Variants in GARIN2 observed in about 807,000 individuals in gnomAD.
The protein encoded by GARIN2 is Golgi-associated RAB2 interactor protein 2.
the GARIN2 span, among the ~76,000 whole-genome samples, chr14:67,218,702 T>A: frequency 6.6e-6 from 1 of 151,958 alleles, no homozygotes; most frequent in Non-Finnish European, 1.5e-5. Context: ...TGCGGAACAG[T>A]TTCTTTGTGC....
the GARIN2 span, chr14:67,198,876 A>G: frequency 3.0e-6 from 2 of 667,046 alleles, no homozygotes; most frequent in South Asian, 1.5e-5. Flanking sequence ...AATGAGTTCA[A>G]TGATAGGGGT....
At chr14:67,214,144 T>G in the GARIN2 span, among the ~76,000 whole-genome samples, 24,324 of 152,160 alleles carry the variant, frequency 0.16, 3,705 homozygotes, top group East Asian at 0.44. Flanking sequence ...TAGTTTCTTT[T>G]GCTGTGCAGA....
chr14:67,219,328 A>G, the GARIN2 span, among the ~76,000 whole-genome samples: 2 of 152,116 alleles, frequency 1.3e-5, no homozygotes, highest in African/African-American at 4.8e-5. Context: ...TCTAGTCCAC[A>G]TGGGTGATAT....
the GARIN2 span, chr14:67,204,747 C>T: frequency 1.5e-5 from 25 of 1,613,870 alleles, no homozygotes; most frequent in African/African-American, 3.3e-4. Flanking sequence ...TTTCAAGTCT[C>T]TCAGGAATTA....
At chr14:67,194,022 A>G in the GARIN2 span, among the ~76,000 whole-genome samples, 4 of 152,004 alleles carry the variant, frequency 2.6e-5, no homozygotes, top group East Asian at 7.8e-4. Context: ...TATTTGTAAA[A>G]CTGGAAAGAC....
chr14:67,191,221 G>A, the GARIN2 span, among the ~76,000 whole-genome samples: 6 of 152,044 alleles, frequency 3.9e-5, no homozygotes, highest in Non-Finnish European at 8.8e-5. Context: ...GTGATGGAGC[G>A]AGACTCCGTC....
the GARIN2 span, among the ~76,000 whole-genome samples, chr14:67,206,510 CA>C: frequency 6.6e-6 from 1 of 151,710 alleles, no homozygotes; most frequent in Non-Finnish European, 1.5e-5. Flanking sequence ...AACAAACAAA[CA>C]AACAAAAAAA....
At chr14:67,199,706 C>T in the GARIN2 span, 111 of 1,583,958 alleles carry the variant, frequency 7.0e-5, no homozygotes, top group South Asian at 1.2e-3. Flanking sequence ...AGATGCACCT[C>T]CTTCACCCTC....
At chr14:67,190,068 A>ATT in the GARIN2 span, among the ~76,000 whole-genome samples, 34 of 115,436 alleles carry the variant, frequency 2.9e-4, no homozygotes, top group African/African-American at 5.7e-4. Flanking sequence ...TGCCCAGCTA[A>ATT]TTTTTTTTTT....
chr14:67,209,396 G>C, the GARIN2 span, among the ~76,000 whole-genome samples: 1 of 152,194 alleles, frequency 6.6e-6, no homozygotes, highest in Non-Finnish European at 1.5e-5. Flanking sequence ...GCAGAGACCT[G>C]AGCAAGTGTG....
At chr14:67,209,126 G>C in the GARIN2 span, among the ~76,000 whole-genome samples, 1 of 152,306 alleles carries the variant, frequency 6.6e-6, no homozygotes, top group South Asian at 2.1e-4. Flanking sequence ...TTCAATGGCA[G>C]AGTTTACGTG....
the GARIN2 span, chr14:67,199,560 T>G: frequency 6.3e-7 from 1 of 1,599,466 alleles, no homozygotes; most frequent in African/African-American, 1.3e-5. Flanking sequence ...GGGCAGTACC[T>G]CTGTAACCAC....
chr14:67,211,731 C>G, the GARIN2 span, among the ~76,000 whole-genome samples: 1 of 152,060 alleles, frequency 6.6e-6, no homozygotes, highest in African/African-American at 2.4e-5. Context: ...TTAACAAAAC[C>G]CTGCCACCAA....
the GARIN2 span, among the ~76,000 whole-genome samples, chr14:67,194,483 C>T: frequency 6.6e-6 from 1 of 152,018 alleles, no homozygotes; most frequent in East Asian, 1.9e-4. Context: ...TTCACAGAAC[C>T]ATCCCTCTGT....
At chr14:67,200,893 A>G in the GARIN2 span, among the ~76,000 whole-genome samples, 6 of 152,234 alleles carry the variant, frequency 3.9e-5, no homozygotes, top group Admixed American at 2.0e-4. Context: ...CGTTGCCCCC[A>G]TCGTAATTTG....
the GARIN2 span, chr14:67,201,640 AT>A: frequency 7.2e-6 from 3 of 415,606 alleles, no homozygotes; most frequent in Non-Finnish European, 1.4e-5. Flanking sequence ...ACCACTACCC[AT>A]TTAAGTTAAT....
chr14:67,208,410 C>G, the GARIN2 span: 4 of 1,613,906 alleles, frequency 2.5e-6, no homozygotes, highest in East Asian at 6.7e-5. Context: ...GAAAAGATGC[C>G]TGATTTTCAG....
chr14:67,199,196 A>G, the GARIN2 span: 2 of 1,606,544 alleles, frequency 1.2e-6, no homozygotes, highest in Non-Finnish European at 1.7e-6. Flanking sequence ...CCCACATGCC[A>G]AAGGATAGAG....
the GARIN2 span, chr14:67,221,663 C>A: frequency 6.7e-7 from 1 of 1,491,422 alleles, no homozygotes; most frequent in Admixed American, 2.1e-5. Context: ...AAACGTGTTT[C>A]ATTACTACCC....
Sources: gnomAD v4.1 joint callset for allele counts (sites outside exome capture counted in the v4.1 genomes callset) on GRCh38, gnomAD v4.1.1 for gene constraint, MANE v1.5 for transcripts, NCBI Gene and HGNC (gene_info 2026-07-23, HGNC 2026-07-21) for gene names.